Variants in DCTN6 observed in about 807,000 individuals in gnomAD.
DCTN6 encodes dynactin subunit 6, also known as dynactin 6.
In DCTN6, 15 loss-of-function variants were observed where a neutral mutation model predicts 25.8. The observed-to-expected ratio is 0.58, with a 90% CI of 0.39 to 0.89. The LOEUF is 0.89. DCTN6 is among the 40% of genes least tolerant of loss of function. The pLI, the probability that DCTN6 is intolerant of heterozygous loss-of-function variation, is 0.00. For synonymous variants in DCTN6, 64 were observed against 78.3 expected (o/e 0.82, Z 0.96); for missense variants, 198 against 237.6 (o/e 0.83, Z 1.09).
intron 2 of DCTN6, among the ~76,000 whole-genome samples, chr8:30,172,454 AT>A (rs35228637): frequency 0.6 from 89,231 of 147,862 alleles, 28,589 homozygotes; most frequent in Middle Eastern, 0.75. Context: ...ATATTTACAA[AT>A]TTTTTTTTTT....
intron 2 of DCTN6, among the ~76,000 whole-genome samples, chr8:30,171,975 G>T (rs1210921638): frequency 6.6e-6 from 1 of 152,170 alleles, no homozygotes; most frequent in African/African-American, 2.4e-5. Flanking sequence ...TCTAGACAAG[G>T]GGGGTGGGGC....
intron 2 of DCTN6, among the ~76,000 whole-genome samples, chr8:30,172,475 A>C (rs536422902): frequency 8.0e-5 from 12 of 150,528 alleles, no homozygotes; most frequent in Admixed American, 2.0e-4. Flanking sequence ...TTTGAGATGG[A>C]GTCTCGGCTC....
chr8:30,182,409 G>A (rs1803920830), intron 6 of DCTN6, among the ~76,000 whole-genome samples: 2 of 152,080 alleles, frequency 1.3e-5, no homozygotes, highest in Admixed American at 1.3e-4. Context: ...GGCTCTGTAG[G>A]TCACGTGGAA....
intron 2 of DCTN6, among the ~76,000 whole-genome samples, chr8:30,165,367 T>C (rs567531568): frequency 6.6e-6 from 1 of 151,746 alleles, no homozygotes; most frequent in East Asian, 1.9e-4. Context: ...GCTACCAGAC[T>C]AAAGTGTTCA....
At position 30,180,641 on chromosome 8, in the gene DCTN6, C is replaced by T. The variant is rs1803900367; in HGVS notation, c.474+11C>T. ...ACTGAGCGACCGCAGGTACTAGAACCTCTCTTTAAAAAGAGTTCTATCTGC... is the reference window on the plus strand; with the variant it reads ...ACTGAGCGACCGCAGGTACTAGAACTTCTCTTTAAAAAGAGTTCTATCTGC... On this transcript the variant is annotated intron_variant, in intron 6 of 6. Transcript: ENST00000221114. 1 of 1,612,464 alleles carries T rather than the reference C, an allele frequency of 6.2e-7. No homozygotes were observed. Among genetic ancestry groups the T allele is most frequent in the Non-Finnish European group, 8.5e-7 (1 of 1,179,472 alleles).
Position 30,183,375 on chromosome 8 carries a change from T to C in DCTN6, c.*202T>C. 1 of 399,244 alleles carries C rather than the reference T, an allele frequency of 2.5e-6. No individual in the cohort carries two copies. The highest frequency in any genetic ancestry group is 4.4e-6 in the Non-Finnish European group (1 of 225,318). 24.7% of individuals were successfully genotyped at this position (399,244 alleles called of 1,614,324 possible). ...TAAATGTATTATTTTCCTATATCCTTGGTTCTTTTCTGATAATTTACAGAT... is the reference window on the plus strand; with the variant it reads ...TAAATGTATTATTTTCCTATATCCTCGGTTCTTTTCTGATAATTTACAGAT... On this transcript the variant is annotated 3_prime_UTR_variant, in exon 7 of 7. Coordinates refer to ENST00000221114, the MANE Select transcript of DCTN6 (RefSeq NM_006571.4).
intron 2 of DCTN6, 107 bp from the exon 3 acceptor site, chr8:30,174,974 ATACT>A: frequency 2.1e-6 from 2 of 950,516 alleles, no homozygotes; most frequent in South Asian, 3.1e-5. Context: ...TGCCTGGCAC[ATACT>A]TAGAAAATGT....
intron 5 of DCTN6, 30 bp from the exon 6 acceptor site, chr8:30,180,458 G>T: frequency 1.2e-6 from 2 of 1,600,290 alleles, no homozygotes; most frequent in South Asian, 2.2e-5. Context: ...GATGTCTTAA[G>T]TTGCAGTTCT....
chr8:30,177,562 C>T (rs1486634227), intron 4 of DCTN6: 1 of 159,196 alleles, frequency 6.3e-6, no homozygotes, highest in African/African-American at 2.4e-5. Flanking sequence ...AAAAAAATTA[C>T]AAGAATTAGC....
chr8:30,158,177 A>G (rs1205394601), intron 1 of DCTN6, among the ~76,000 whole-genome samples: 1 of 152,186 alleles, frequency 6.6e-6, no homozygotes, highest in Non-Finnish European at 1.5e-5. Flanking sequence ...AACTGAAGGC[A>G]GGGGGCATTT....
intron 4 of DCTN6, among the ~76,000 whole-genome samples, chr8:30,179,061 ATATT>A (rs1409454628): frequency 3.3e-5 from 5 of 152,214 alleles, no homozygotes; most frequent in Admixed American, 6.5e-5. Flanking sequence ...GAAATTCTAT[ATATT>A]TATATAAAGA....
chr8:30,170,269 C>T (rs774418509), intron 2 of DCTN6, among the ~76,000 whole-genome samples: 1 of 152,142 alleles, frequency 6.6e-6, no homozygotes, highest in Non-Finnish European at 1.5e-5. Context: ...CAAAAAAGAC[C>T]CGCAAGAAGT....
intron 4 of DCTN6, among the ~76,000 whole-genome samples, chr8:30,178,431 C>T (rs1803871617): frequency 6.7e-6 from 1 of 150,176 alleles, no homozygotes; most frequent in African/African-American, 2.5e-5. Flanking sequence ...CCATTGCACC[C>T]CAGCCTGGGC....
chr8:30,174,944 C>A, intron 2 of DCTN6, 141 bp from the exon 3 acceptor site: 1 of 693,014 alleles, frequency 1.4e-6, no homozygotes, highest in Non-Finnish European at 2.4e-6. Context: ...GAGATAGTAT[C>A]TGTGAAGTAC....
chr8:30,178,324 G>A lies in DCTN6; in HGVS notation c.284-1084G>A, dbSNP rs528853537. Among the ~76,000 whole-genome samples, 90 of 152,034 alleles carry A rather than the reference G, an allele frequency of 5.9e-4. 1 individual carries two copies. The highest frequency in any genetic ancestry group is 2.2e-3 in the African/African-American group (90 of 41,468). On this transcript the variant is annotated intron_variant, in intron 4 of 6. Transcript: ENST00000221114. ...ACTAAAAATACAAAATTAGCCGGGC[G>A]TGATGGTACATGCCTGTAATCCCAG... is the stretch of plus-strand genomic sequence containing the variant.
intron 2 of DCTN6, among the ~76,000 whole-genome samples, chr8:30,167,818 C>T (rs1377883723): frequency 6.6e-6 from 1 of 152,110 alleles, no homozygotes; most frequent in Non-Finnish European, 1.5e-5. Flanking sequence ...TGTGTCTCAG[C>T]CTCCCAAGTA....
chr8:30,161,233 G>A (rs1269493974), intron 1 of DCTN6, among the ~76,000 whole-genome samples: 3 of 152,162 alleles, frequency 2.0e-5, no homozygotes, highest in African/African-American at 7.2e-5. Context: ...CTTCCGCCAT[G>A]ATTGTAAGTT....
At chr8:30,174,977 C>A in intron 2 of DCTN6, 108 bp from the exon 3 acceptor site, 1 of 988,786 alleles carries the variant, frequency 1.0e-6, no homozygotes, top group Non-Finnish European at 1.5e-6. Context: ...CTGGCACATA[C>A]TTAGAAAATG....
intron 1 of DCTN6, among the ~76,000 whole-genome samples, chr8:30,163,790 T>A (rs558034668): frequency 1.1e-4 from 16 of 151,476 alleles, no homozygotes; most frequent in Middle Eastern, 3.4e-3. Flanking sequence ...GCAAACTCTG[T>A]CTCCCGAGTT....
Sources: allele counts gnomAD v4.1 joint callset (sites outside exome capture counted in the v4.1 genomes callset), GRCh38; gene constraint gnomAD v4.1.1; transcripts MANE v1.5; gene names NCBI Gene and HGNC (gene_info 2026-07-23, HGNC 2026-07-21).